DSE: variants seen among roughly 807,000 people sequenced by gnomAD.
DSE encodes dermatan sulfate epimerase, also known as dermatan-sulfate epimerase.
DSE carries 36 observed loss-of-function variants against 84.4 expected under a neutral mutation model. The observed-to-expected ratio is 0.43, with a 90% CI of 0.33 to 0.56. The LOEUF is 0.56. Ranked by LOEUF, DSE falls within the 20% of genes least tolerant of loss-of-function variation. The pLI, the probability that DSE is intolerant of heterozygous loss-of-function variation, is 0.06. For missense variants in DSE, 862 were observed against 1,169.6 expected, an observed-to-expected ratio of 0.74 and a Z score of 3.84; for synonymous variants, 410 against 430.1, an observed-to-expected ratio of 0.95 and a Z score of 0.58.
rs544414039 is a variant in DSE, at chr6:116,357,389, G to A, written c.-53-41809G>A. Among the ~76,000 whole-genome samples, 18 of 152,110 alleles carry A rather than the reference G, an allele frequency of 1.2e-4. No homozygotes were observed. The East Asian group carries it at 2.7e-3, about 23-fold the overall frequency. On this transcript the variant is annotated intron_variant, in intron 2 of 3. Transcript: ENST00000430252. ...CTACTAAAAATACAAAAAATTAGCC[G>A]GGCATGGTAGTGGGCACCTGTGGTC... is the stretch of plus-strand genomic sequence containing the variant.
chr6:116,343,124 A>G (rs1157335938), intron 2 of DSE, among the ~76,000 whole-genome samples: 1 of 152,216 alleles, frequency 6.6e-6, no homozygotes, highest in Non-Finnish European at 1.5e-5. Context: ...CTGAGTCTTG[A>G]GTAGGTAAAC....
At chr6:116,299,502 TTTTATATATA>T (rs1206639815) in intron 2 of DSE, among the ~76,000 whole-genome samples, 5,308 of 47,250 alleles carry the variant, frequency 0.11, 541 homozygotes, top group Non-Finnish European at 0.12. Flanking sequence ...CTTGAATTAT[TTTTATATATA>T]TATATATATA....
intron 2 of DSE, among the ~76,000 whole-genome samples, chr6:116,319,354 T>C (rs1457614351): frequency 6.6e-6 from 1 of 152,192 alleles, no homozygotes; most frequent in Non-Finnish European, 1.5e-5. Context: ...AACTCTGTTT[T>C]TGTAGTTATT....
chr6:116,316,229 C>A (rs978200440), intron 2 of DSE, among the ~76,000 whole-genome samples: 2 of 152,134 alleles, frequency 1.3e-5, no homozygotes, highest in Middle Eastern at 3.4e-3. Context: ...TTTAAAGGGG[C>A]AGATGGAAGA....
intron 1 of DSE, among the ~76,000 whole-genome samples, chr6:116,380,209 G>A (rs772990943): frequency 2.0e-4 from 30 of 152,038 alleles, no homozygotes; most frequent in South Asian, 6.2e-4. Context: ...CATACTGAAA[G>A]GATTTAGTCA....
At chr6:116,433,005 G>T in intron 4 of DSE, 2 of 249,952 alleles carry the variant, frequency 8.0e-6, no homozygotes, top group South Asian at 1.0e-4. Flanking sequence ...AACCCAAACT[G>T]CACAAGAGGA....
chr6:116,322,664 A>G (rs965150350), intron 2 of DSE, among the ~76,000 whole-genome samples: 2 of 152,152 alleles, frequency 1.3e-5, no homozygotes, highest in African/African-American at 4.8e-5. Context: ...TGATGCTTAA[A>G]GTAAATAAAG....
intron 2 of DSE, among the ~76,000 whole-genome samples, chr6:116,304,013 G>A (rs752719267): frequency 6.6e-6 from 1 of 151,798 alleles, no homozygotes; most frequent in African/African-American, 2.4e-5. Flanking sequence ...GCAGGCGCCC[G>A]TAGTCCCAGC....
intron 2 of DSE, among the ~76,000 whole-genome samples, chr6:116,303,246 T>G (rs1182897055): frequency 1.3e-5 from 2 of 152,124 alleles, no homozygotes; most frequent in African/African-American, 4.8e-5. Flanking sequence ...GTCTTTCTCT[T>G]TTTCAACTCA....
upstream of DSE, chr6:116,370,625 T>A (rs983277378): frequency 2.5e-5 from 19 of 750,292 alleles, no homozygotes; most frequent in Non-Finnish European, 2.8e-5. Flanking sequence ...AGCGTTTGAG[T>A]CCTAAGAAAC....
chr6:116,434,326 C>T (rs1012413945), intron 5 of DSE, among the ~76,000 whole-genome samples: 6 of 152,028 alleles, frequency 3.9e-5, no homozygotes, highest in Non-Finnish European at 8.8e-5. Context: ...CCAAAACAAG[C>T]TTTCTTGTGG....
exon 2 of DSE, chr6:116,258,773 CG>C (rs1384491119): frequency 6.2e-7 from 1 of 1,609,468 alleles, no homozygotes; most frequent in African/African-American, 1.3e-5. Flanking sequence ...TTGATGATGG[CG>C]TTCACCAGGA....
At chr6:116,296,425 AG>A (rs1439783881) in intron 2 of DSE, among the ~76,000 whole-genome samples, 3 of 152,214 alleles carry the variant, frequency 2.0e-5, no homozygotes, top group Non-Finnish European at 4.4e-5. Context: ...CCTGCCTATT[AG>A]GAGTTTATAT....
intron 1 of DSE, among the ~76,000 whole-genome samples, chr6:116,382,275 A>G (rs1243595054): frequency 1.3e-5 from 2 of 152,174 alleles, no homozygotes; most frequent in Non-Finnish European, 2.9e-5. Context: ...TAAGTCAGAT[A>G]TTTCGAGCCT....
intron 2 of DSE, among the ~76,000 whole-genome samples, chr6:116,308,883 C>T (rs866252772): frequency 7.9e-5 from 12 of 151,954 alleles, no homozygotes; most frequent in Non-Finnish European, 1.5e-4. Flanking sequence ...CCACAGTGCC[C>T]GGCCTTGTTG....
intron 2 of DSE, among the ~76,000 whole-genome samples, chr6:116,298,794 A>G: frequency 6.6e-6 from 1 of 152,292 alleles, no homozygotes; most frequent in Non-Finnish European, 1.5e-5. Flanking sequence ...AACTCACACA[A>G]AGCCTTTGAC....
chr6:116,314,752 TATTC>T (rs923983330), intron 2 of DSE, among the ~76,000 whole-genome samples: 11 of 152,352 alleles, frequency 7.2e-5, no homozygotes, highest in African/African-American at 2.4e-4. Context: ...ATTGCTTACT[TATTC>T]ATGATATAAG....
At chr6:116,297,332 G>A (rs1774733579) in intron 2 of DSE, among the ~76,000 whole-genome samples, 1 of 152,074 alleles carries the variant, frequency 6.6e-6, no homozygotes, top group South Asian at 2.1e-4. Flanking sequence ...ATCTCTCAAA[G>A]GTCCCAGCGG....
intron 2 of DSE, among the ~76,000 whole-genome samples, chr6:116,348,676 G>C (rs546844422): frequency 6.6e-6 from 1 of 152,218 alleles, no homozygotes; most frequent in Admixed American, 6.5e-5. Flanking sequence ...ACATGCACAC[G>C]TATGTTTATT....
Sources: allele counts gnomAD v4.1 joint callset (sites outside exome capture counted in the v4.1 genomes callset), GRCh38; gene constraint gnomAD v4.1.1; transcripts MANE v1.5; gene names NCBI Gene and HGNC (gene_info 2026-07-23, HGNC 2026-07-21).